The following CAPN1 variants were observed in gnomAD, a reference collection of about 807,000 sequenced individuals.
The protein encoded by CAPN1 is calpain 1.
CAPN1 carries 77 observed loss-of-function variants against 105.2 expected under a neutral mutation model. The observed-to-expected ratio is 0.73, with a 90% CI of 0.61 to 0.88. The LOEUF is 0.88. Ranked by LOEUF, CAPN1 falls within the 40% of genes least tolerant of loss-of-function variation. The pLI is 0.00. For synonymous variants in CAPN1, 355 were observed against 388.8 expected (o/e 0.91, Z 1.02); for missense variants, 833 against 976.6 (o/e 0.85, Z 1.96).
chr11:65,199,173 G>A (rs1481723591), intron 10 of CAPN1, among the ~76,000 whole-genome samples: 2 of 152,140 alleles, frequency 1.3e-5, no homozygotes, highest in Non-Finnish European at 2.9e-5. Flanking sequence ...GCAAGGGTCT[G>A]TTGGTTATAA....
rs764312008 is a variant in CAPN1 at position 65,208,144 on chromosome 11, G to C, written c.1671+24G>C. 30 of 1,602,296 alleles carry C rather than the reference G, an allele frequency of 1.9e-5. No homozygotes were observed. The highest frequency in any genetic ancestry group is 2.5e-5 in the Non-Finnish European group (29 of 1,174,672). On this transcript the variant is annotated intron_variant, in intron 15 of 21. Transcript: ENST00000279247. The surrounding 1 kb of genome is among the most constrained non-coding windows in gnomAD (Gnocchi z 4.1). ...AGGTAGGTTGGGGCATGGCAGGTTG[G>C]GAGGGGCCTGTGAGGGGCAGCCCTC...
intron 10 of CAPN1, among the ~76,000 whole-genome samples, chr11:65,197,426 CT>C (rs563823558): frequency 1.3e-5 from 2 of 152,144 alleles, no homozygotes; most frequent in African/African-American, 4.8e-5. Context: ...ATTATTTTTA[CT>C]TTCAAGTCTA....
Position 65,197,479 on chromosome 11 carries a change from G to T in CAPN1, c.1166-7204G>T, listed in dbSNP as rs139704251. Among the ~76,000 whole-genome samples the T allele has an allele frequency of 3.5e-3, 532 of 150,958 alleles. 3 individuals carry two copies. Among genetic ancestry groups the T allele is most frequent in the African/African-American group, 0.012 (489 of 41,200 alleles). The stretch of plus-strand genomic sequence containing the variant: ...TATAGCTAATTCAGGGTTTTTTTTT[G>T]TTGAATTTTTAAAATATATCTTTTT... On this transcript the variant is annotated intron_variant, in intron 10 of 21. Coordinates refer to ENST00000279247, the MANE Select transcript of CAPN1 (RefSeq NM_005186.4).
At chr11:65,196,875 G>A (rs778370671) in intron 10 of CAPN1, among the ~76,000 whole-genome samples, 7 of 152,148 alleles carry the variant, frequency 4.6e-5, no homozygotes, top group Admixed American at 2.0e-4. Flanking sequence ...TTTCATAAAG[G>A]TTCCTTCGTT....
intron 2 of CAPN1, 71 bp from the exon 3 acceptor site, chr11:65,183,057 G>A: frequency 6.2e-7 from 1 of 1,609,506 alleles, no homozygotes; most frequent in Admixed American, 1.7e-5. Flanking sequence ...GTGGGGAATG[G>A]GGTCTGGGGT....
chr11:65,205,434 C>T (rs1318128920), intron 11 of CAPN1, among the ~76,000 whole-genome samples: 1 of 152,190 alleles, frequency 6.6e-6, no homozygotes, highest in Non-Finnish European at 1.5e-5. Context: ...GGCTTTGGAA[C>T]ATTGCAGTTG....
Position 65,188,668 on chromosome 11 carries a change from A to G in CAPN1, c.1087A>G (p.Ile363Val). Reference protein sequence around the residue: ...LTPDALKSRTIRKWNTTLYEG... With the variant: ...LTPDALKSRTVRKWNTTLYEG... ...ACCCGACGCCCTCAAGAGCCGGACC[A>G]TCCGCAAATGGAACACCACACTCTA... Residue 363 changes from isoleucine to valine, a missense_variant, in exon 10 of 22, where the codon ATC (isoleucine) becomes GTC (valine). Transcript: ENST00000279247. The surrounding 1 kb of genome is among the most constrained non-coding windows in gnomAD (Gnocchi z 5.5). 1 of 1,613,782 alleles carries G rather than the reference A, an allele frequency of 6.2e-7. No individual in the cohort carries two copies. Among genetic ancestry groups the G allele is most frequent in the Non-Finnish European group, 8.5e-7 (1 of 1,179,802 alleles).
chr11:65,207,024 T>A (rs1043481387), intron 14 of CAPN1, among the ~76,000 whole-genome samples: 1 of 152,176 alleles, frequency 6.6e-6, no homozygotes, highest in African/African-American at 2.4e-5. Context: ...GCACAGGCCC[T>A]GAGCTCTCAC....
chr11:65,188,263 A>T lies in CAPN1; in HGVS notation c.930-151A>T. ...AGGGCATCAGACTGGCCCTGATGAG[A>T]CCACCCCCTAGAAGCGGAACCTTGG... On this transcript the variant is annotated intron_variant, in intron 8 of 21. Transcript: ENST00000279247. This position sits in a 1 kb window ranked among gnomAD's most constrained non-coding sequence, Gnocchi z 5.5. 1.4e-6 allele frequency: 1 copy of T among 736,682 alleles called. No homozygotes were observed. Among genetic ancestry groups the T allele is most frequent in the South Asian group, 1.8e-5 (1 of 55,234 alleles). 45.6% of individuals were successfully genotyped at this position (736,682 alleles called of 1,614,324 possible). A position where few individuals can be genotyped will look rare whatever the true frequency, so the allele number is the denominator to read the frequency against.
Position 65,188,601 on chromosome 11 carries a change from C to T in CAPN1, c.1020C>T (p.Asp340=). The change falls in exon 10 of 22, where the codon GAC becomes GAT. Residue 340 remains aspartate, a synonymous_variant. Coordinates refer to ENST00000279247, the MANE Select transcript of CAPN1 (RefSeq NM_005186.4). The surrounding 1 kb of genome is among the most constrained non-coding windows in gnomAD (Gnocchi z 5.5). ...CCCACCTCAGGATGTCATTCCGAGA[C>T]TTCATGCGGGAGTTCACCCGCCTGG... ...EDGEFWMSFR[D]FMREFTRLEI... 1 of 1,614,004 alleles carries T rather than the reference C, an allele frequency of 6.2e-7. No homozygotes were observed. Among genetic ancestry groups the T allele is most frequent in the Non-Finnish European group, 8.5e-7 (1 of 1,179,874 alleles).
Position 65,183,541 on chromosome 11 carries a change from T to C in CAPN1, c.405T>C (p.Val135=). The change falls in exon 4 of 22, where the codon GTT becomes GTC. Residue 135 remains valine (V), a synonymous_variant. Coordinates refer to ENST00000279247, the MANE Select transcript of CAPN1 (RefSeq NM_005186.4). ...TLNDTLLHRV[V]PHGQSFQNGY... is the part of the protein sequence containing the mutation. ...ACGACACCCTCCTGCACCGAGTGGT[T>C]CCGCACGGCCAGAGCTTCCAGAATG... 1 of 1,613,934 alleles carries C rather than the reference T, an allele frequency of 6.2e-7. No individual in the cohort carries two copies. The highest frequency in any genetic ancestry group is 8.5e-7 in the Non-Finnish European group (1 of 1,179,828).
Position 65,206,639 on chromosome 11 carries a change from G to T in CAPN1, c.1530G>T (p.Val510=). The T allele has an allele frequency of 6.2e-7, 1 of 1,613,394 alleles. No homozygotes were observed. The highest frequency in any genetic ancestry group is 8.5e-7 in the Non-Finnish European group (1 of 1,179,880). ...TFEPNKEGDF[V]LRFFSEKSAG... ...AGCCCAACAAGGAGGGCGACTTCGT[G>T]CTGCGCTTCTTCTCAGAGAAGAGTG... is the stretch of plus-strand genomic sequence containing the variant. Residue 510 remains valine, a synonymous_variant, in exon 13 of 22, where the codon GTG becomes GTT. Coordinates refer to ENST00000279247, the MANE Select transcript of CAPN1 (RefSeq NM_005186.4).
rs887910602 is a variant in CAPN1 at position 65,188,672 on chromosome 11, G to T, written c.1091G>T (p.Arg364Leu). Residue 364 changes from arginine (R) to leucine (L), a missense_variant, in exon 10 of 22, where the codon CGC becomes CTC. By Grantham distance (102) the Arg-to-Leu change is moderately radical. Transcript: ENST00000279247. This position sits in a 1 kb window ranked among gnomAD's most constrained non-coding sequence, Gnocchi z 5.5. Reference sequence around the variant, plus strand: ...GACGCCCTCAAGAGCCGGACCATCCGCAAATGGAACACCACACTCTACGAA... The same window carrying T: ...GACGCCCTCAAGAGCCGGACCATCCTCAAATGGAACACCACACTCTACGAA... ...TPDALKSRTI[R>L]KWNTTLYEGT... 6.2e-7 allele frequency: 1 copy of T among 1,613,344 alleles called. No individual in the cohort carries two copies. The highest frequency in any genetic ancestry group is 1.3e-5 in the African/African-American group (1 of 74,888).
intron 14 of CAPN1, 43 bp downstream of exon 14, chr11:65,206,862 T>A: frequency 6.3e-7 from 1 of 1,581,480 alleles, no homozygotes; most frequent in South Asian, 1.2e-5. Flanking sequence ...CCTCTCTTCC[T>A]CACCCCTGGG....
chr11:65,206,459 C>T lies in CAPN1; in HGVS notation c.1354-4C>T. 1.2e-6 allele frequency: 2 copies of T among 1,612,350 alleles called. No homozygotes were observed. The highest frequency in any genetic ancestry group is 8.5e-7 in the Non-Finnish European group (1 of 1,179,508). ...CAGCCCTGCTCCCTCCTCCCTCCCA[C>T]CAGCTGGTGGGCCAGCCGGCCGTAC... On this transcript the variant is annotated splice_region_variant and splice_polypyrimidine_tract_variant and intron_variant, in intron 12 of 21. Coordinates refer to ENST00000279247, the MANE Select transcript of CAPN1 (RefSeq NM_005186.4).
intron 3 of CAPN1, 96 bp from the exon 4 acceptor site, chr11:65,183,378 C>A: frequency 8.7e-7 from 1 of 1,147,170 alleles, no homozygotes; most frequent in Non-Finnish European, 1.3e-6. Context: ...AGTTAAGTGG[C>A]ACCCTGGCCA....
chr11:65,209,387 T>C lies in CAPN1; in HGVS notation c.1794T>C (p.Asp598=). The part of the protein sequence containing the change: ...ESCRSMVNLM[D]RDGNGKLGLV... Reference sequence around the variant, plus strand: ...GCCGCAGCATGGTGAACCTCATGGATGTATCCTTCCGTTTGCTTTTGTCTC... The same window carrying C: ...GCCGCAGCATGGTGAACCTCATGGACGTATCCTTCCGTTTGCTTTTGTCTC... The change falls in exon 17 of 22, where the codon GAT becomes GAC. Residue 598 remains aspartate (D), a splice_region_variant and synonymous_variant. Coordinates refer to ENST00000279247, the MANE Select transcript of CAPN1 (RefSeq NM_005186.4). The surrounding 1 kb of genome is among the most constrained non-coding windows in gnomAD (Gnocchi z 4.1). 2 of 1,613,244 alleles carry C rather than the reference T, an allele frequency of 1.2e-6. No individual in the cohort carries two copies. Among genetic ancestry groups the C allele is most frequent in the African/African-American group, 1.3e-5 (1 of 75,048 alleles).
Position 65,211,339 on chromosome 11 carries a change from C to T in CAPN1, c.*53C>T. On this transcript the variant is annotated 3_prime_UTR_variant, in exon 22 of 22. Coordinates refer to ENST00000279247, the MANE Select transcript of CAPN1 (RefSeq NM_005186.4). ...CTCCCCTCCCTCCTCGTCTGCCAAG[C>T]CTCGCCTCCTACCACACCACACCAG... 1 of 1,582,876 alleles carries T rather than the reference C, an allele frequency of 6.3e-7. No homozygotes were observed. Among genetic ancestry groups the T allele is most frequent in the Non-Finnish European group, 8.6e-7 (1 of 1,158,774 alleles).
chr11:65,187,131 C>A, intron 6 of CAPN1, 84 bp from the exon 7 acceptor site: 3 of 971,654 alleles, frequency 3.1e-6, no homozygotes, highest in Admixed American at 2.0e-5. Context: ...CAAGTGGGAA[C>A]GTCCAAGACC....
Sources: allele counts gnomAD v4.1 joint callset (sites outside exome capture counted in the v4.1 genomes callset), GRCh38; gene constraint gnomAD v4.1.1; non-coding constraint Gnocchi (gnomAD v3.1); transcripts MANE v1.5; gene names NCBI Gene and HGNC (gene_info 2026-07-23, HGNC 2026-07-21).